Variants in HTT observed in about 807,000 individuals in gnomAD.
HTT encodes huntingtin, also known as huntington disease protein.
Under a neutral mutation model 362.3 loss-of-function variants are expected in HTT, and 104 were observed. The observed-to-expected ratio is 0.29, with a 90% CI of 0.24 to 0.34. The LOEUF is 0.34. Among genes scored for constraint, HTT ranks in the 10% least tolerant of loss-of-function variants. The pLI is 1.00. For missense variants in HTT, 3,301 were observed against 3,928.6 expected, an observed-to-expected ratio of 0.84 and a Z score of 4.27; for synonymous variants, 1,577 against 1,548.7, an observed-to-expected ratio of 1.02 and a Z score of -0.43.
rs1170234946 is a variant in HTT at position 3,217,751 on chromosome 4, C to T, written c.7055-14C>T. ...GTTTTTTAAAAAGTCCTCTCTTAAC[C>T]GTTGCTTGTTTAGATCCTAAGTATA... On this transcript the variant is annotated splice_polypyrimidine_tract_variant and intron_variant, in intron 51 of 66. Transcript: ENST00000355072. The T allele has an allele frequency of 1.9e-6, 3 of 1,604,288 alleles. No individual in the cohort carries two copies. The highest frequency in any genetic ancestry group is 1.1e-5 in the South Asian group (1 of 89,928).
At position 3,200,496 on chromosome 4, in the gene HTT, A is replaced by G. The variant is rs537979789; in HGVS notation, c.5576+557A>G. 7.9e-5 allele frequency among the ~76,000 whole-genome samples: 12 copies of G among 152,308 alleles called. No homozygotes were observed. The East Asian group carries it at 1.2e-3, about 15-fold the overall frequency. On this transcript the variant is annotated intron_variant, in intron 41 of 66. Coordinates refer to ENST00000355072, the MANE Select transcript of HTT (RefSeq NM_001388492.1). ...CCAACACTCCATTATTTGTATATGT[A>G]TGGAAATAAAAGCTGTGACCACCCC...
chr4:3,079,744 A>G (rs964835384), intron 1 of HTT, among the ~76,000 whole-genome samples: 6 of 152,166 alleles, frequency 3.9e-5, no homozygotes, highest in African/African-American at 1.4e-4. Context: ...TTCAATCTTA[A>G]GTGAACTCTG....
At chr4:3,120,689 G>C (rs561464407) in intron 8 of HTT, among the ~76,000 whole-genome samples, 1 of 152,358 alleles carries the variant, frequency 6.6e-6, no homozygotes, top group East Asian at 1.9e-4. Context: ...CTGATGATCT[G>C]AGGTGGAACA....
At chr4:3,198,352 A>G (rs2298971) in intron 40 of HTT, among the ~76,000 whole-genome samples, 69,914 of 150,928 alleles carry the variant, frequency 0.46, 16,842 homozygotes, top group African/African-American at 0.58. Flanking sequence ...CGCCTCCCAA[A>G]TACCTGGGAT....
chr4:3,129,803 A>G (rs1715714580), intron 12 of HTT, 121 bp from the exon 13 acceptor site: 1 of 1,164,196 alleles, frequency 8.6e-7, no homozygotes, highest in East Asian at 2.4e-5. Context: ...TAAATGACAG[A>G]TGAGTACATT....
intron 2 of HTT, among the ~76,000 whole-genome samples, chr4:3,093,878 T>G (rs929790374): frequency 3.6e-4 from 52 of 143,908 alleles, no homozygotes; most frequent in Non-Finnish European, 7.6e-4. Flanking sequence ...TTTTTTTTTT[T>G]AAGATATCAT....
chr4:3,127,562 A>G lies in HTT; in HGVS notation c.1701A>G (p.Glu567=). Reference sequence around the variant, plus strand: ...GCGACAGCTCCCAGACCACCACCGAAGGGCCTGATTCAGCTGTTACCCCTT... The same window carrying G: ...GCGACAGCTCCCAGACCACCACCGAGGGGCCTGATTCAGCTGTTACCCCTT... ...PISDSSQTTT[E]GPDSAVTPSD... is the part of the protein sequence containing the mutation. The change falls in exon 12 of 67, where the codon GAA becomes GAG. Residue 567 remains glutamate (E), a synonymous_variant. Transcript: ENST00000355072. The G allele has an allele frequency of 1.2e-6, 2 of 1,614,066 alleles. No homozygotes were observed. Among genetic ancestry groups the G allele is most frequent in the Non-Finnish European group, 1.7e-6 (2 of 1,179,904 alleles).
At chr4:3,094,065 C>A (rs149293492) in intron 2 of HTT, among the ~76,000 whole-genome samples, 1 of 152,018 alleles carries the variant, frequency 6.6e-6, no homozygotes, top group East Asian at 1.9e-4. Context: ...GGCCCTGCCA[C>A]GTTCTGCAGT....
chr4:3,090,917 G>C (rs1713470469), intron 2 of HTT, among the ~76,000 whole-genome samples: 4 of 152,200 alleles, frequency 2.6e-5, no homozygotes, highest in Admixed American at 2.0e-4. Flanking sequence ...TTTGAGACCA[G>C]CTGGACCAGT....
At chr4:3,128,666 A>C (rs1715636632) in intron 12 of HTT, 2 of 152,316 alleles carry the variant, frequency 1.3e-5, no homozygotes, top group Middle Eastern at 3.4e-3. Context: ...CTCATCTCTA[A>C]GTTAGTGGAC....
chr4:3,148,480 CCT>C (rs1438293122), intron 26 of HTT, among the ~76,000 whole-genome samples: 1 of 151,946 alleles, frequency 6.6e-6, no homozygotes, highest in Non-Finnish European at 1.5e-5. Context: ...CACGAAACCC[CCT>C]CTCTACTAAA....
chr4:3,214,120 T>G lies in HTT; in HGVS notation c.6937T>G (p.Phe2313Val). 1 of 1,525,520 alleles carries G rather than the reference T, an allele frequency of 6.6e-7. No individual in the cohort carries two copies. Among genetic ancestry groups the G allele is most frequent in the Non-Finnish European group, 8.9e-7 (1 of 1,126,008 alleles). 94.5% of individuals were successfully genotyped at this position (1,525,520 alleles called of 1,614,324 possible). A position where few individuals can be genotyped will look rare whatever the true frequency, so the allele number is the denominator to read the frequency against. ...CTGCTCCCTCATCTACTGTGTGCAC[T>G]TCATCCTGGAGGCCGGTGAGTCCCC... ...HACSLIYCVH[F>V]ILEAVAVQPG... Residue 2313 changes from phenylalanine to valine, a missense_variant, in exon 50 of 67, where the codon TTC (phenylalanine) becomes GTC (valine). Physicochemically the swap from Phe to Val is conservative, Grantham distance 50. Transcript: ENST00000355072.
At chr4:3,145,059 ATTGT>A (rs1716533419) in intron 23 of HTT, 89 bp from the exon 24 acceptor site, 1 of 971,912 alleles carries the variant, frequency 1.0e-6, no homozygotes, top group Non-Finnish European at 1.7e-6. Context: ...TTTTCTTCTC[ATTGT>A]TTGTACTTTT....
chr4:3,239,898 CT>C lies in HTT; in HGVS notation c.9272del (p.Phe3091SerfsTer13). 1 of 1,572,736 alleles carries C rather than the reference CT, an allele frequency of 6.4e-7. No individual in the cohort carries two copies. The highest frequency in any genetic ancestry group is 8.6e-7 in the Non-Finnish European group (1 of 1,157,984). On this transcript the variant is annotated frameshift_variant, in exon 67 of 67. Transcript: ENST00000355072. LOFTEE classifies it high-confidence loss of function. ...CAAGCTGGAGCAGGTGGACGTGAACCTTTTCTGCCTGGTCGCCACAGACTTC... is the reference window on the plus strand; with the variant it reads ...CAAGCTGGAGCAGGTGGACGTGAACCTTTCTGCCTGGTCGCCACAGACTTC... ...MGKLEQVDVNLFCLVATDFYR... is the reference protein window; with the variant it reads ...MGKLEQVDVNXFCLVATDFYR...
chr4:3,133,073 G>A (rs898590743), intron 18 of HTT, among the ~76,000 whole-genome samples, 162 bp downstream of exon 18: 1 of 152,148 alleles, frequency 6.6e-6, no homozygotes, highest in Non-Finnish European at 1.5e-5. Context: ...AGAAAACGTT[G>A]CCAGTAAAGT....
intron 26 of HTT, among the ~76,000 whole-genome samples, chr4:3,153,142 G>C (rs1434214782): frequency 6.6e-6 from 1 of 152,116 alleles, no homozygotes; most frequent in Admixed American, 6.5e-5. Flanking sequence ...GGAAGTCCAA[G>C]ATCCAGGACT....
At chr4:3,234,782 A>G (rs1721441190) in intron 61 of HTT, among the ~76,000 whole-genome samples, 2 of 152,150 alleles carry the variant, frequency 1.3e-5, no homozygotes, top group African/African-American at 4.8e-5. Flanking sequence ...GTTGGGGGGC[A>G]TCGTATTGGC....
intron 2 of HTT, among the ~76,000 whole-genome samples, chr4:3,089,019 AG>A (rs1713360920): frequency 6.6e-6 from 1 of 152,202 alleles, no homozygotes; most frequent in Admixed American, 6.5e-5. Context: ...GGAAAAAAAA[AG>A]GTTTGAATTC....
At chr4:3,202,465 C>T (rs935508814) in intron 41 of HTT, among the ~76,000 whole-genome samples, 1 of 152,284 alleles carries the variant, frequency 6.6e-6, no homozygotes, top group South Asian at 2.1e-4. Flanking sequence ...GCTGGCAGGA[C>T]GGCCCACTGA....
Sources: allele counts gnomAD v4.1 joint callset (sites outside exome capture counted in the v4.1 genomes callset), GRCh38; gene constraint gnomAD v4.1.1; transcripts MANE v1.5; gene names NCBI Gene and HGNC (gene_info 2026-07-23, HGNC 2026-07-21).